The following VEPH1 variants were observed in gnomAD, a reference collection of about 807,000 sequenced individuals.
VEPH1 encodes ventricular zone expressed PH domain containing 1, also known as ventricular zone-expressed PH domain-containing protein homolog 1.
In VEPH1, 80 loss-of-function variants were observed where a neutral mutation model predicts 85.2. That is an observed-to-expected ratio of 0.94 (90% CI 0.78 to 1.13). The LOEUF (loss-of-function observed/expected upper bound fraction) is 1.13, where lower values mean the gene tolerates loss of function less well. Ranked by LOEUF, VEPH1 falls within the 50% of genes most tolerant of loss-of-function variation. The pLI is 0.00. For missense variants in VEPH1, 955 were observed against 980.5 expected, an observed-to-expected ratio of 0.97 and a Z score of 0.35; for synonymous variants, 297 against 348.0, an observed-to-expected ratio of 0.85 and a Z score of 1.63.
chr3:157,472,860 G>A (rs1019029340), intron 2 of VEPH1, among the ~76,000 whole-genome samples: 37 of 151,774 alleles, frequency 2.4e-4, no homozygotes, highest in Admixed American at 2.0e-3. Flanking sequence ...TCTTTTTTAC[G>A]GTTGTGTAAT....
chr3:157,479,201 C>A (rs573787284), intron 2 of VEPH1, among the ~76,000 whole-genome samples: 1 of 152,190 alleles, frequency 6.6e-6, no homozygotes, highest in South Asian at 2.1e-4. Flanking sequence ...TGGGTCAGTA[C>A]CTGTGCATAT....
chr3:157,455,745 A>G (rs765412356), intron 4 of VEPH1, among the ~76,000 whole-genome samples: 2 of 152,176 alleles, frequency 1.3e-5, no homozygotes, highest in Non-Finnish European at 2.9e-5. Context: ...GTTCCTGCAA[A>G]GGACATGATC....
intron 6 of VEPH1, among the ~76,000 whole-genome samples, chr3:157,400,106 A>T (rs894297517): frequency 3.9e-5 from 6 of 152,072 alleles, no homozygotes; most frequent in Non-Finnish European, 7.4e-5. Flanking sequence ...ATTCTTCATT[A>T]TTTTTGATTC....
intron 7 of VEPH1, among the ~76,000 whole-genome samples, chr3:157,374,725 G>A (rs897742042): frequency 6.6e-6 from 1 of 152,198 alleles, no homozygotes; most frequent in Non-Finnish European, 1.5e-5. Context: ...TCATGGAGAA[G>A]TAGTACCAAA....
At chr3:157,501,311 T>A (rs1039612398) in intron 1 of VEPH1, among the ~76,000 whole-genome samples, 2 of 152,192 alleles carry the variant, frequency 1.3e-5, no homozygotes, top group East Asian at 3.8e-4. Context: ...CCTGGAGAGA[T>A]AGTTTTACGG....
chr3:157,263,205 T>A (rs954876659), intron 13 of VEPH1, among the ~76,000 whole-genome samples: 1 of 152,160 alleles, frequency 6.6e-6, no homozygotes, highest in Non-Finnish European at 1.5e-5. Flanking sequence ...GGTTATTGTT[T>A]CCCTGGAGAT....
chr3:157,348,574 C>T (rs972852620), intron 9 of VEPH1, among the ~76,000 whole-genome samples: 1 of 152,166 alleles, frequency 6.6e-6, no homozygotes, highest in African/African-American at 2.4e-5. Flanking sequence ...CTGTTCAGAT[C>T]ATTTCCCCAT....
chr3:157,477,969 A>G (rs1166976237), intron 2 of VEPH1, among the ~76,000 whole-genome samples: 1 of 152,198 alleles, frequency 6.6e-6, no homozygotes, highest in Non-Finnish European at 1.5e-5. Context: ...TTTATTATAC[A>G]AAGCATACCA....
At position 157,272,282 on chromosome 3, in the gene VEPH1, TTC is replaced by T. The variant is rs1455502632; in HGVS notation, c.2129-6622_2129-6621del. Among the ~76,000 whole-genome samples the T allele has an allele frequency of 1.9e-4, 12 of 64,648 alleles. No individual in the cohort carries two copies. The East Asian group carries it at 5.8e-3, about 31-fold the overall frequency. 42.4% of individuals were successfully genotyped at this position (64,648 alleles called of 152,430 possible). On this transcript the variant is annotated intron_variant, in intron 12 of 13. Coordinates refer to ENST00000362010, the MANE Select transcript of VEPH1 (RefSeq NM_001167912.2). The stretch of plus-strand genomic sequence containing the variant: ...CTTCCTTCCTTCCTTCCTTCCTTCC[TTC>T]CTTCCTTCCTTCCCTTCCTCTCTCT...
chr3:157,383,053 G>A (rs1560016005), intron 6 of VEPH1, among the ~76,000 whole-genome samples: 1 of 151,868 alleles, frequency 6.6e-6, no homozygotes, highest in Non-Finnish European at 1.5e-5. Flanking sequence ...GCCCAGGCTG[G>A]CCTGGGCTCA....
At chr3:157,380,998 A>G (rs1263570005) in intron 7 of VEPH1, 158 bp downstream of exon 7, 1 of 703,404 alleles carries the variant, frequency 1.4e-6, no homozygotes, top group Non-Finnish European at 2.4e-6. Flanking sequence ...ACACATTTAG[A>G]AGAAAGATTC....
At position 157,313,739 on chromosome 3, in the gene VEPH1, G is replaced by A; in HGVS notation, c.1892C>T (p.Pro631Leu). 6.2e-7 allele frequency: 1 copy of A among 1,614,062 alleles called. No homozygotes were observed. The highest frequency in any genetic ancestry group is 1.1e-5 in the South Asian group (1 of 91,072). ...FLFQQSLFPE[P>L]LSIQSHSVQF... ...CACAGAATGACTCTGAATGGACAGG[G>A]GTTCAGGAAACAGGCTCTGAAAGGG... Residue 631 changes from proline (P) to leucine (L), a missense_variant, in exon 11 of 14, where the codon CCC (proline) becomes CTC (leucine). Coordinates refer to ENST00000362010, the MANE Select transcript of VEPH1 (RefSeq NM_001167912.2).
intron 5 of VEPH1, among the ~76,000 whole-genome samples, chr3:157,426,839 A>G (rs1274195446): frequency 1.5e-5 from 2 of 132,584 alleles, no homozygotes; most frequent in African/African-American, 5.8e-5. Flanking sequence ...ACAGAGTCTC[A>G]CTCTGTCACC....
chr3:157,304,038 T>TATATATATATATACACAC lies in VEPH1; in HGVS notation c.2010+9582_2010+9583insGTGTGTATATATATATAT. On this transcript the variant is annotated intron_variant, in intron 11 of 13. Coordinates refer to ENST00000362010, the MANE Select transcript of VEPH1 (RefSeq NM_001167912.2). ...CTTATATTTTTTATATATATATATA[T>TATATATATATATACACAC]ACACACATACTGTTACATCTTATAT... Among the ~76,000 whole-genome samples, 189 of 96,896 alleles carry TATATATATATATACACAC rather than the reference T, an allele frequency of 2.0e-3. 16 individuals are homozygous for TATATATATATATACACAC. The highest frequency in any genetic ancestry group is 5.9e-3 in the East Asian group (16 of 2,706). The allele number at this position is 96,896 out of a possible 152,430, so 63.6% of individuals were successfully genotyped here. A position where few individuals can be genotyped will look rare whatever the true frequency, so the allele number is the denominator to read the frequency against.
At chr3:157,276,836 T>G (rs1449408388) in intron 12 of VEPH1, among the ~76,000 whole-genome samples, 3 of 152,058 alleles carry the variant, frequency 2.0e-5, no homozygotes, top group African/African-American at 7.3e-5. Flanking sequence ...GGGACTGCTG[T>G]GCAATGACTG....
chr3:157,322,573 A>G (rs558344027), intron 9 of VEPH1, among the ~76,000 whole-genome samples: 1 of 152,280 alleles, frequency 6.6e-6, no homozygotes, highest in East Asian at 1.9e-4. Context: ...AAATTCTACA[A>G]TTTACTAATG....
rs139169472 is a variant in VEPH1, at chr3:157,470,381, G to C, written c.287C>G (p.Pro96Arg). 3 of 1,613,924 alleles carry C rather than the reference G, an allele frequency of 1.9e-6. No homozygotes were observed. Among genetic ancestry groups the C allele is most frequent in the Non-Finnish European group, 2.5e-6 (3 of 1,180,028 alleles). ...WDSCLEHNLR[P>R]FGKDEDTPHA... The stretch of plus-strand genomic sequence containing the variant: ...AGGAGTGTCTTCGTCTTTCCCAAAG[G>C]GTCTCAGGTTATGTTCCAAGCAGGA... Residue 96 changes from proline (P) to arginine (R), a missense_variant, in exon 3 of 14, where the codon CCC becomes CGC. Pro to Arg is a moderately radical substitution (Grantham distance 103, BLOSUM62 -2). Transcript: ENST00000362010.
chr3:157,381,198 A>C lies in VEPH1; in HGVS notation c.1085T>G (p.Leu362Arg). 1 of 1,613,966 alleles carries C rather than the reference A, an allele frequency of 6.2e-7. No homozygotes were observed. Among genetic ancestry groups the C allele is most frequent in the South Asian group, 1.1e-5 (1 of 91,080 alleles). Residue 362 changes from leucine to arginine, a missense_variant, in exon 7 of 14, where the codon CTC becomes CGC. Coordinates refer to ENST00000362010, the MANE Select transcript of VEPH1 (RefSeq NM_001167912.2). ...GGTATTTTCCAGTTGTCGGGTAAGG[A>C]GTTTAGCAATGGCGGTGAAGCTGTT... is the stretch of plus-strand genomic sequence containing the variant. The part of the protein sequence containing the change: ...MSNSFTAIAK[L>R]LTRQLENTKA...
chr3:157,281,532 C>T (rs1055380912), intron 12 of VEPH1, among the ~76,000 whole-genome samples: 27 of 151,468 alleles, frequency 1.8e-4, no homozygotes, highest in Admixed American at 2.0e-4. Flanking sequence ...ACATCAAAAT[C>T]GAGTTTTCTT....
Sources: allele counts gnomAD v4.1 joint callset (sites outside exome capture counted in the v4.1 genomes callset), GRCh38; gene constraint gnomAD v4.1.1; transcripts MANE v1.5; gene names NCBI Gene and HGNC (gene_info 2026-07-23, HGNC 2026-07-21).